FAM171A1: variants seen among roughly 807,000 people sequenced by gnomAD.
The protein encoded by FAM171A1 is protein FAM171A1.
Under a neutral mutation model 74.9 loss-of-function variants are expected in FAM171A1, and 23 were observed. The ratio of observed to expected loss-of-function variants is 0.31; its 90% CI spans 0.22 to 0.44. The LOEUF is 0.44. Among genes scored for constraint, FAM171A1 ranks in the 20% least tolerant of loss-of-function variants. The pLI is 1.00. For synonymous variants in FAM171A1, 527 were observed against 505.7 expected, an observed-to-expected ratio of 1.04 and a Z score of -0.57; for missense variants, 1,162 against 1,159.2, an observed-to-expected ratio of 1.00 and a Z score of -0.03.
At chr10:15,262,772 C>T (rs968824093) in intron 3 of FAM171A1, among the ~76,000 whole-genome samples, 1 of 152,130 alleles carries the variant, frequency 6.6e-6, no homozygotes, top group Non-Finnish European at 1.5e-5. Context: ...AAAGGCTCAG[C>T]ATAAATCCAG....
At chr10:15,242,222 C>T (rs935843085) in intron 5 of FAM171A1, among the ~76,000 whole-genome samples, 1 of 151,978 alleles carries the variant, frequency 6.6e-6, no homozygotes, top group Non-Finnish European at 1.5e-5. Context: ...TTTTATTTAA[C>T]TAAAATATTT....
intron 5 of FAM171A1, among the ~76,000 whole-genome samples, chr10:15,244,573 T>C (rs1156377305): frequency 1.3e-5 from 2 of 152,216 alleles, no homozygotes; most frequent in Non-Finnish European, 2.9e-5. Flanking sequence ...GATTCAACCA[T>C]TCAACAGACA....
intron 5 of FAM171A1, among the ~76,000 whole-genome samples, chr10:15,224,359 G>A (rs1834078483): frequency 6.6e-6 from 1 of 152,132 alleles, no homozygotes; most frequent in South Asian, 2.1e-4. Flanking sequence ...GGGCTGGAAA[G>A]GAGTTAGGCA....
At chr10:15,368,958 A>C (rs1053160850) in intron 1 of FAM171A1, among the ~76,000 whole-genome samples, 6 of 152,318 alleles carry the variant, frequency 3.9e-5, no homozygotes, top group Non-Finnish European at 5.9e-5. Flanking sequence ...TCCTGGGCTC[A>C]AGGCTTTAAA....
intron 1 of FAM171A1, among the ~76,000 whole-genome samples, chr10:15,312,673 G>GTTTTTTTTTTTTTTTTTTTTTTTT (rs1169098742): frequency 1.4e-4 from 5 of 36,402 alleles, no homozygotes; most frequent in Non-Finnish European, 1.9e-4. Flanking sequence ...AGCACTGTGT[G>GTTTTTTTTTTTTTTTTTTTTTTTT]TTTTTTTTTT....
intron 1 of FAM171A1, among the ~76,000 whole-genome samples, chr10:15,301,316 G>A (rs931411748): frequency 6.6e-6 from 1 of 150,996 alleles, no homozygotes; most frequent in Non-Finnish European, 1.5e-5. Flanking sequence ...GGGATTACAG[G>A]CACACGCCAA....
chr10:15,269,905 A>G (rs762935259), intron 3 of FAM171A1, among the ~76,000 whole-genome samples: 3 of 152,230 alleles, frequency 2.0e-5, no homozygotes, highest in African/African-American at 7.2e-5. Flanking sequence ...CCATCCAACA[A>G]TAAGTGGATT....
chr10:15,359,106 C>T (rs550478766), intron 1 of FAM171A1, among the ~76,000 whole-genome samples: 5 of 152,280 alleles, frequency 3.3e-5, no homozygotes, highest in Non-Finnish European at 7.3e-5. Context: ...TAAGAAGCAC[C>T]GAGCACATGT....
chr10:15,309,690 A>G (rs1835337626), intron 1 of FAM171A1, among the ~76,000 whole-genome samples: 1 of 152,252 alleles, frequency 6.6e-6, no homozygotes. Flanking sequence ...CAAACAAAAC[A>G]AAGTATTTGG....
rs1267522678 is a variant in FAM171A1 at position 15,212,717 on chromosome 10, C to T, written c.*198G>A. 2.5e-6 allele frequency: 2 copies of T among 796,408 alleles called. No individual in the cohort carries two copies. Among genetic ancestry groups the T allele is most frequent in the Admixed American group, 3.2e-5 (1 of 31,570 alleles). The allele number at this position is 796,408 out of a possible 1,614,324, so 49.3% of individuals were successfully genotyped here. A position where few individuals can be genotyped will look rare whatever the true frequency, so the allele number is the denominator to read the frequency against. On this transcript the variant is annotated 3_prime_UTR_variant, in exon 8 of 8. Transcript: ENST00000378116. ...GCCACCTCCTTGCAGGGGCGACATCCGCCAAAGTCATCCTTTATTCCGAGT... is the reference window on the plus strand; with the variant it reads ...GCCACCTCCTTGCAGGGGCGACATCTGCCAAAGTCATCCTTTATTCCGAGT...
At chr10:15,218,388 G>A (rs1013051054) in intron 6 of FAM171A1, among the ~76,000 whole-genome samples, 2 of 152,090 alleles carry the variant, frequency 1.3e-5, no homozygotes, top group African/African-American at 4.8e-5. Flanking sequence ...CAGCATTATT[G>A]TTTTAATCTC....
At chr10:15,308,648 A>AAAAC (rs376025721) in intron 1 of FAM171A1, among the ~76,000 whole-genome samples, 246 of 152,130 alleles carry the variant, frequency 1.6e-3, no homozygotes, top group South Asian at 0.01. Flanking sequence ...TCTGTCTCAA[A>AAAAC]AAACAAACAA....
chr10:15,296,998 C>T (rs1835169352), intron 1 of FAM171A1, among the ~76,000 whole-genome samples: 2 of 152,040 alleles, frequency 1.3e-5, no homozygotes, highest in Admixed American at 6.6e-5. Context: ...CAGTACAGTG[C>T]TATTTACACT....
At chr10:15,352,850 T>C (rs552353833) in intron 1 of FAM171A1, among the ~76,000 whole-genome samples, 3 of 152,328 alleles carry the variant, frequency 2.0e-5, no homozygotes, top group South Asian at 2.1e-4. Flanking sequence ...ATGTAATCTT[T>C]AGGTTTAGAG....
At chr10:15,245,138 C>T (rs953448300) in intron 5 of FAM171A1, among the ~76,000 whole-genome samples, 2 of 151,910 alleles carry the variant, frequency 1.3e-5, no homozygotes, top group African/African-American at 4.8e-5. Context: ...CTATCTTGGC[C>T]CACCTCAACC....
intron 1 of FAM171A1, among the ~76,000 whole-genome samples, chr10:15,370,208 G>C (rs1386423280): frequency 6.6e-6 from 1 of 151,572 alleles, no homozygotes; most frequent in Non-Finnish European, 1.5e-5. Flanking sequence ...AAAGGCACGA[G>C]CTGGCGACAA....
At chr10:15,291,091 C>A (rs1255337408) in intron 1 of FAM171A1, among the ~76,000 whole-genome samples, 2 of 152,198 alleles carry the variant, frequency 1.3e-5, no homozygotes, top group African/African-American at 4.8e-5. Context: ...CTCAGGCGAT[C>A]CTCCTGCCTC....
At chr10:15,342,844 C>T (rs533550735) in intron 1 of FAM171A1, among the ~76,000 whole-genome samples, 1 of 152,358 alleles carries the variant, frequency 6.6e-6, no homozygotes, top group South Asian at 2.1e-4. Flanking sequence ...GCAGTCAGTG[C>T]CTACATGGAT....
chr10:15,251,402 ATTTTTTTT>A (rs1258921347), intron 4 of FAM171A1, among the ~76,000 whole-genome samples: 1 of 132,488 alleles, frequency 7.5e-6, no homozygotes, highest in Non-Finnish European at 1.6e-5. Context: ...TTCTGCAACG[ATTTTTTTT>A]TTTTTTTTTT....
Sources: allele counts gnomAD v4.1 joint callset (sites outside exome capture counted in the v4.1 genomes callset), GRCh38; gene constraint gnomAD v4.1.1; transcripts MANE v1.5; gene names NCBI Gene and HGNC (gene_info 2026-07-23, HGNC 2026-07-21).